KCTD1: variants seen among roughly 807,000 people sequenced by gnomAD.
KCTD1 encodes the protein BTB/POZ domain-containing protein KCTD1.
KCTD1 carries 24 observed loss-of-function variants against 66.0 expected under a neutral mutation model. The observed-to-expected ratio is 0.36, with a 90% confidence interval of 0.26 to 0.51. The LOEUF (loss-of-function observed/expected upper bound fraction) is 0.51. Ranked by LOEUF, KCTD1 falls within the 20% of genes least tolerant of loss-of-function variation. The pLI is 0.95. For missense variants in KCTD1, 943 were observed against 1,205.2 expected, an observed-to-expected ratio of 0.78 and a Z score of 3.22; for synonymous variants, 511 against 517.2, an observed-to-expected ratio of 0.99 and a Z score of 0.16.
At chr18:26,641,354 CT>C (rs565621511), upstream of KCTD1, among the ~76,000 whole-genome samples, 28 of 152,172 alleles carry the variant, frequency 1.8e-4, no homozygotes, top group Non-Finnish European at 3.5e-4. Flanking sequence ...TAATATTTTA[CT>C]TGTATAGTTT....
At chr18:26,466,161 G>A (rs1468155374) in intron 3 of KCTD1, among the ~76,000 whole-genome samples, 4 of 152,040 alleles carry the variant, frequency 2.6e-5, no homozygotes, top group Non-Finnish European at 4.4e-5. Flanking sequence ...CAGGAATGAG[G>A]ACCTAGAAGC....
intron 2 of KCTD1, among the ~76,000 whole-genome samples, chr18:26,486,954 A>C (rs1209194534): frequency 6.6e-6 from 1 of 152,234 alleles, no homozygotes; most frequent in Non-Finnish European, 1.5e-5. Flanking sequence ...TAATTCAAAA[A>C]GAAAGAACTA....
chr18:26,621,669 G>C (rs987700694), intron 1 of KCTD1, among the ~76,000 whole-genome samples: 1 of 152,176 alleles, frequency 6.6e-6, no homozygotes, highest in South Asian at 2.1e-4. Context: ...GTTGGCTCTT[G>C]GTCTTTGCTA....
At chr18:26,480,802 G>T (rs995863027) in intron 2 of KCTD1, among the ~76,000 whole-genome samples, 3 of 152,070 alleles carry the variant, frequency 2.0e-5, no homozygotes, top group Non-Finnish European at 4.4e-5. Flanking sequence ...GATTACTCTT[G>T]TTTATAGAGC....
chr18:26,475,310 A>C (rs983253384), intron 3 of KCTD1, among the ~76,000 whole-genome samples: 2 of 152,158 alleles, frequency 1.3e-5, no homozygotes, highest in Non-Finnish European at 2.9e-5. Context: ...CTATTACTTA[A>C]GTGGGTTTGC....
intron 3 of KCTD1, among the ~76,000 whole-genome samples, chr18:26,469,314 C>A (rs1980925918): frequency 6.6e-6 from 1 of 152,128 alleles, no homozygotes; most frequent in African/African-American, 2.4e-5. Flanking sequence ...AGAGAAGCAG[C>A]TGTGCTAATC....
intron 3 of KCTD1, among the ~76,000 whole-genome samples, chr18:26,466,531 T>C (rs970795496): frequency 2.0e-5 from 3 of 152,184 alleles, no homozygotes; most frequent in Admixed American, 1.3e-4. Context: ...AAGGGGGTGC[T>C]ACTGGAATTT....
chr18:26,548,508 C>G lies in KCTD1; in HGVS notation c.29G>C (p.Cys10Ser). The part of the protein sequence containing the change: MARMPGSGD[C>S]NTSAGGSASA... ...GGCGCTGCCGCCCGCGCTGGTGTTA[C>G]AGTCCCCGCTGCCAGGCATTCTCGC... The change falls in exon 1 of 5, where the codon TGT (cysteine) becomes TCT (serine). Residue 10 changes from cysteine to serine, a missense_variant. Cys to Ser is a moderately radical substitution (Grantham distance 112). Coordinates refer to ENST00000580059, the MANE Select transcript of KCTD1 (RefSeq NM_001142730.3). 9 of 1,230,946 alleles carry G rather than the reference C, an allele frequency of 7.3e-6. No homozygotes were observed. The highest frequency in any genetic ancestry group is 9.1e-6 in the Non-Finnish European group (9 of 991,758). The allele number at this position is 1,230,946 out of a possible 1,614,324, so 76.3% of individuals were successfully genotyped here. A position where few individuals can be genotyped will look rare whatever the true frequency, so the allele number is the denominator to read the frequency against.
At position 26,548,361 on chromosome 18, in the gene KCTD1, TCCTC is replaced by T; in HGVS notation, c.172_175del (p.Glu58LysfsTer13). On this transcript the variant is annotated frameshift_variant, in exon 1 of 5. Coordinates refer to ENST00000580059, the MANE Select transcript of KCTD1 (RefSeq NM_001142730.3). LOFTEE classifies it high-confidence loss of function. ...CTGGATCTCGTCCTCCTCCTCCTCTTCCTCCTCCTCCTCGCCCGCGCTGCAGTAG... is the reference window on the plus strand; with the variant it reads ...CTGGATCTCGTCCTCCTCCTCCTCTTCTCCTCCTCGCCCGCGCTGCAGTAG... 1 of 1,407,114 alleles carries T rather than the reference TCCTC, an allele frequency of 7.1e-7. No individual in the cohort carries two copies. Among genetic ancestry groups the T allele is most frequent in the Non-Finnish European group, 9.3e-7 (1 of 1,069,772 alleles). 87.2% of individuals were successfully genotyped at this position (1,407,114 alleles called of 1,614,324 possible).
At chr18:26,594,070 A>G (rs1284953139) in intron 1 of KCTD1, among the ~76,000 whole-genome samples, 1 of 152,206 alleles carries the variant, frequency 6.6e-6, no homozygotes, top group Non-Finnish European at 1.5e-5. Flanking sequence ...TAGCATAACA[A>G]GTGGCATGAT....
intron 2 of KCTD1, among the ~76,000 whole-genome samples, chr18:26,489,263 C>T (rs1037073802): frequency 9.9e-5 from 15 of 152,160 alleles, no homozygotes; most frequent in African/African-American, 2.2e-4. Context: ...TATTTTTATA[C>T]GCGACTTATA....
chr18:26,460,623 C>G (rs1482438073), intron 3 of KCTD1, among the ~76,000 whole-genome samples: 1 of 152,204 alleles, frequency 6.6e-6, no homozygotes, highest in Non-Finnish European at 1.5e-5. Context: ...ATCATAGAGT[C>G]AGAGACATAA....
chr18:26,541,525 A>G (rs1408668355), intron 1 of KCTD1, among the ~76,000 whole-genome samples: 1 of 152,228 alleles, frequency 6.6e-6, no homozygotes, highest in Non-Finnish European at 1.5e-5. Context: ...TTGCTGTCAT[A>G]TGTAAGTGGA....
In KCTD1 at chr18:26,468,923, T is replaced by C. The variant is rs1367482879; in HGVS notation, c.2133+7592A>G. Among the ~76,000 whole-genome samples, 2 of 152,130 alleles carry C rather than the reference T, an allele frequency of 1.3e-5. No homozygotes were observed. Among genetic ancestry groups the C allele is most frequent in the Non-Finnish European group, 2.9e-5 (2 of 68,024 alleles). ...ACTCTGACGAGGAAGAAAGCACCAATAGTACTGTTCAGGACGTGCAGACTG... is the reference window on the plus strand; with the variant it reads ...ACTCTGACGAGGAAGAAAGCACCAACAGTACTGTTCAGGACGTGCAGACTG... On this transcript the variant is annotated intron_variant, in intron 3 of 4. Transcript: ENST00000580059. This position sits in a 1 kb window ranked among gnomAD's most constrained non-coding sequence, Gnocchi z 4.8.
upstream of KCTD1, among the ~76,000 whole-genome samples, chr18:26,642,932 C>T (rs1308728980): frequency 1.3e-5 from 2 of 148,944 alleles, no homozygotes; most frequent in Non-Finnish European, 3.0e-5. Flanking sequence ...GGCGGAGGGG[C>T]GTGCACTGGC....
At chr18:26,596,875 A>T (rs1360658609) in intron 1 of KCTD1, among the ~76,000 whole-genome samples, 1 of 152,182 alleles carries the variant, frequency 6.6e-6, no homozygotes, top group Admixed American at 6.5e-5. Context: ...AATCTAAGAG[A>T]TGTTAGTTGG....
intron 1 of KCTD1, among the ~76,000 whole-genome samples, chr18:26,601,460 C>T (rs573657007): frequency 3.3e-5 from 5 of 151,730 alleles, no homozygotes; most frequent in African/African-American, 9.7e-5. Flanking sequence ...TATATCTATC[C>T]TTATGATTAC....
At chr18:26,657,317 C>T in intron 1 of KCTD1, 1 of 985,238 alleles carries the variant, frequency 1.0e-6, no homozygotes, top group East Asian at 1.1e-4. Context: ...CCAGCCATAC[C>T]CTCCTTAGCA....
At chr18:26,459,478 G>A in intron 4 of KCTD1, 142 bp downstream of exon 4, 1 of 721,664 alleles carries the variant, frequency 1.4e-6, no homozygotes, top group Non-Finnish European at 2.3e-6. Context: ...CTGCTATAGA[G>A]GGTGATAATT....
Sources: gnomAD v4.1 joint callset for allele counts (sites outside exome capture counted in the v4.1 genomes callset) on GRCh38, gnomAD v4.1.1 for gene constraint, Gnocchi (gnomAD v3.1) non-coding constraint, MANE v1.5 for transcripts, NCBI Gene and HGNC (gene_info 2026-07-23, HGNC 2026-07-21) for gene names.